Variants in ADAMTS6 observed in about 807,000 individuals in gnomAD.
ADAMTS6 encodes A disintegrin and metalloproteinase with thrombospondin motifs 6.
In ADAMTS6, 23 loss-of-function variants were observed where a neutral mutation model predicts 144.3. That is an observed-to-expected ratio of 0.16 (90% CI 0.11 to 0.23). The LOEUF (loss-of-function observed/expected upper bound fraction) is 0.23, where lower values mean the gene tolerates loss of function less well. ADAMTS6 is among the 10% of genes least tolerant of loss of function. The pLI is 1.00. For missense variants in ADAMTS6, 999 were observed against 1,379.6 expected, an observed-to-expected ratio of 0.72 and a Z score of 4.37; for synonymous variants, 444 against 457.5, an observed-to-expected ratio of 0.97 and a Z score of 0.38.
intron 19 of ADAMTS6, 89 bp downstream of exon 19, chr5:65,215,235 T>C: frequency 7.1e-7 from 1 of 1,402,086 alleles, no homozygotes. Flanking sequence ...TTTCATCACC[T>C]GTAAAGCAGA....
At chr5:65,227,376 C>T (rs1026246516) in intron 15 of ADAMTS6, among the ~76,000 whole-genome samples, 3 of 151,886 alleles carry the variant, frequency 2.0e-5, no homozygotes, top group Non-Finnish European at 4.4e-5. Context: ...TAAATGTGGA[C>T]TTGTTGTATT....
chr5:65,303,180 T>C (rs1197632008), intron 9 of ADAMTS6, among the ~76,000 whole-genome samples: 3 of 152,136 alleles, frequency 2.0e-5, no homozygotes, highest in Admixed American at 2.0e-4. Flanking sequence ...AGCTGATCAA[T>C]GGTTAAAACT....
chr5:65,338,798 C>T (rs1351246662), intron 7 of ADAMTS6, among the ~76,000 whole-genome samples: 1 of 152,228 alleles, frequency 6.6e-6, no homozygotes, highest in Non-Finnish European at 1.5e-5. Flanking sequence ...GGCAAACACG[C>T]CCTAGGCTAA....
At chr5:65,310,538 T>C (rs979061097) in intron 9 of ADAMTS6, among the ~76,000 whole-genome samples, 2 of 152,098 alleles carry the variant, frequency 1.3e-5, no homozygotes, top group African/African-American at 4.8e-5. Context: ...AAAAGTTAGA[T>C]TGAATTGAAT....
chr5:65,377,517 T>G (rs1327858912), intron 7 of ADAMTS6, among the ~76,000 whole-genome samples: 1 of 152,192 alleles, frequency 6.6e-6, no homozygotes, highest in Non-Finnish European at 1.5e-5. Flanking sequence ...TTTAGCCCCT[T>G]TTAAAATCCC....
chr5:65,252,326 T>C (rs77394316), intron 14 of ADAMTS6, among the ~76,000 whole-genome samples: 10 of 148,326 alleles, frequency 6.7e-5, no homozygotes, highest in African/African-American at 2.5e-4. Context: ...TTTTTTTTTC[T>C]TTTTTTGAGA....
intron 7 of ADAMTS6, among the ~76,000 whole-genome samples, chr5:65,397,628 G>A (rs1241322070): frequency 6.6e-6 from 1 of 151,944 alleles, no homozygotes; most frequent in African/African-American, 2.4e-5. Flanking sequence ...TGTAATCCCA[G>A]GATTTTGGTA....
At chr5:65,159,150 T>C (rs1208928474) in intron 24 of ADAMTS6, among the ~76,000 whole-genome samples, 1 of 152,088 alleles carries the variant, frequency 6.6e-6, no homozygotes, top group Non-Finnish European at 1.5e-5. Context: ...ATTTTATTAT[T>C]TTCCCCCCAG....
Position 65,214,661 on chromosome 5 carries a change from G to T in ADAMTS6, c.2575+133C>A. ...ATATAATTAAAGCAAAGTTTCTTTT[G>T]CTAAATTACAGCTTGAAGCAAACCT... On this transcript the variant is annotated intron_variant, in intron 20 of 24. Coordinates refer to ENST00000381055, the MANE Select transcript of ADAMTS6 (RefSeq NM_197941.4). The surrounding 1 kb of genome is among the most constrained non-coding windows in gnomAD (Gnocchi z 4.6). The T allele has an allele frequency of 7.7e-7, 1 of 1,304,880 alleles. No individual in the cohort carries two copies. The highest frequency in any genetic ancestry group is 1.1e-6 in the Non-Finnish European group (1 of 926,046). The allele number at this position is 1,304,880 out of a possible 1,614,324, so 80.8% of individuals were successfully genotyped here.
At chr5:65,470,540 T>C (rs1019362498) in intron 3 of ADAMTS6, among the ~76,000 whole-genome samples, 2 of 152,146 alleles carry the variant, frequency 1.3e-5, no homozygotes, top group African/African-American at 4.8e-5. Flanking sequence ...AATCTGAAGT[T>C]TTGTTCATTC....
intron 7 of ADAMTS6, among the ~76,000 whole-genome samples, chr5:65,368,826 G>A (rs1312953948): frequency 6.6e-6 from 1 of 152,108 alleles, no homozygotes; most frequent in Non-Finnish European, 1.5e-5. Flanking sequence ...AGGCCGAGGC[G>A]GGTGTATTAC....
rs75230069 is a variant in ADAMTS6, at chr5:65,307,113, T to C, written c.1224-6982A>G. On this transcript the variant is annotated intron_variant, in intron 9 of 24. Transcript: ENST00000381055. ...CTAAGGTCATGGGGATTTACTTCCA[T>C]ATTATCTTCTGAAATCGTTAATAGT... Among the ~76,000 whole-genome samples, 1,100 of 152,328 alleles carry C rather than the reference T, an allele frequency of 7.2e-3. 11 individuals are homozygous for C. The highest frequency in any genetic ancestry group is 0.025 in the African/African-American group (1,050 of 41,584).
chr5:65,225,982 G>T, intron 16 of ADAMTS6, 104 bp downstream of exon 16: 1 of 1,206,540 alleles, frequency 8.3e-7, no homozygotes, highest in Non-Finnish European at 1.1e-6. Flanking sequence ...TCTAAAATGT[G>T]GTCCCCTTTT....
chr5:65,185,359 C>A (rs1232590876), intron 22 of ADAMTS6, among the ~76,000 whole-genome samples: 1 of 152,178 alleles, frequency 6.6e-6, no homozygotes, highest in East Asian at 1.9e-4. Context: ...GGGGCAAAAA[C>A]CATTTTTCCT....
intron 7 of ADAMTS6, among the ~76,000 whole-genome samples, chr5:65,398,778 GAGCAAGAAAGAAAGAAAGAA>G (rs1237011613): frequency 5.1e-3 from 224 of 44,052 alleles, no homozygotes; most frequent in South Asian, 0.019. Context: ...AAAGAAGAGA[GAGCAAGAAAGAAAGAAAGAA>G]AGAAAGAAAG....
intron 15 of ADAMTS6, 26 bp downstream of exon 15, chr5:65,242,078 G>A (rs1161979463): frequency 6.7e-7 from 1 of 1,482,612 alleles, no homozygotes; most frequent in African/African-American, 1.4e-5. Flanking sequence ...GCTCAAGCAT[G>A]AATGCTCTGT....
chr5:65,336,489 G>T (rs1747322341), intron 7 of ADAMTS6, among the ~76,000 whole-genome samples: 3 of 152,022 alleles, frequency 2.0e-5, no homozygotes, highest in African/African-American at 4.8e-5. Flanking sequence ...AAGCTTTGCA[G>T]GATGTATACT....
Position 65,149,660 on chromosome 5 carries a change from T to C in ADAMTS6, c.*2176A>G, listed in dbSNP as rs1752032967. 6.6e-6 allele frequency: 1 copy of C among 152,622 alleles called. No homozygotes were observed. Among genetic ancestry groups the C allele is most frequent in the Non-Finnish European group, 1.5e-5 (1 of 68,042 alleles). 9.5% of individuals were successfully genotyped at this position (152,622 alleles called of 1,614,324 possible). A position where few individuals can be genotyped will look rare whatever the true frequency, so the allele number is the denominator to read the frequency against. On this transcript the variant is annotated 3_prime_UTR_variant, in exon 25 of 25. Transcript: ENST00000381055. ...TTTGAAATAAGAACATGAGCTGATA[T>C]TTATGTTGGAGAAAATCAGATCTGG...
At chr5:65,389,273 A>C (rs1025920740) in intron 7 of ADAMTS6, among the ~76,000 whole-genome samples, 11 of 152,162 alleles carry the variant, frequency 7.2e-5, no homozygotes, top group South Asian at 2.1e-4. Context: ...TGATGGGAGA[A>C]TAATTATCAT....
Sources: gnomAD v4.1 joint callset for allele counts (sites outside exome capture counted in the v4.1 genomes callset) on GRCh38, gnomAD v4.1.1 for gene constraint, Gnocchi (gnomAD v3.1) non-coding constraint, MANE v1.5 for transcripts, NCBI Gene and HGNC (gene_info 2026-07-23, HGNC 2026-07-21) for gene names.